The following ANO3 variants were observed in gnomAD, a reference collection of about 807,000 sequenced individuals.
ANO3 encodes the protein anoctamin 3, also known as anoctamin-3.
In ANO3, 99 loss-of-function variants were observed where a neutral mutation model predicts 144.8. The ratio of observed to expected loss-of-function variants is 0.68; its 90% CI spans 0.58 to 0.81. The LOEUF is 0.81. Among genes scored for constraint, ANO3 ranks in the 30% least tolerant of loss-of-function variants. The probability of loss-of-function intolerance (pLI) is 0.00; values close to 1 mark genes in which losing one functional copy is unlikely to be tolerated. For synonymous variants in ANO3, 414 were observed against 392.6 expected, an observed-to-expected ratio of 1.05 and a Z score of -0.64; for missense variants, 905 against 1,202.2, an observed-to-expected ratio of 0.75 and a Z score of 3.66.
intron 1 of ANO3, among the ~76,000 whole-genome samples, chr11:26,192,842 G>T (rs1161386656): frequency 6.6e-6 from 1 of 152,130 alleles, no homozygotes; most frequent in Non-Finnish European, 1.5e-5. Flanking sequence ...ATAGTCCAGT[G>T]AGGGAAATTG....
chr11:26,486,004 C>T (rs1006079680), intron 4 of ANO3, among the ~76,000 whole-genome samples: 5 of 152,056 alleles, frequency 3.3e-5, no homozygotes, highest in African/African-American at 1.2e-4. Flanking sequence ...GAAAAATAAC[C>T]TTGCCTTTTT....
At chr11:26,354,843 T>C (rs1855737429) in intron 1 of ANO3, among the ~76,000 whole-genome samples, 1 of 152,110 alleles carries the variant, frequency 6.6e-6, no homozygotes, top group Non-Finnish European at 1.5e-5. Context: ...AGTCAGGTGG[T>C]ATCCTAAGAT....
intron 1 of ANO3, among the ~76,000 whole-genome samples, chr11:26,377,099 A>G (rs1336329428): frequency 6.6e-6 from 1 of 152,146 alleles, no homozygotes; most frequent in Non-Finnish European, 1.5e-5. Flanking sequence ...TGTGCACTTG[A>G]AAGAAAACAA....
rs1166462594 is a variant in ANO3, at chr11:26,564,684, CAT to C, written c.1447+4913_1447+4914del. ...TTTTAAAAACTCATATATATATACTCATATATATACACACACACACACACACA... is the reference window on the plus strand; with the variant it reads ...TTTTAAAAACTCATATATATATACTCATATATACACACACACACACACACA... On this transcript the variant is annotated intron_variant, in intron 14 of 26. Coordinates refer to ENST00000256737, the MANE Select transcript of ANO3 (RefSeq NM_031418.4). 4.2e-4 allele frequency among the ~76,000 whole-genome samples: 33 copies of C among 79,012 alleles called. No individual in the cohort carries two copies. The South Asian group carries it at 5.1e-3, about 12-fold the overall frequency. 51.8% of individuals were successfully genotyped at this position (79,012 alleles called of 152,430 possible). A position where few individuals can be genotyped will look rare whatever the true frequency, so the allele number is the denominator to read the frequency against.
At position 26,518,882 on chromosome 11, in the gene ANO3, A is replaced by G. The variant is rs879783076; in HGVS notation, c.692+1955A>G. On this transcript the variant is annotated intron_variant, in intron 6 of 26. Transcript: ENST00000256737. ...AAGAGATGAAAAAGGATTGCTTCTG[A>G]TGAGTGGGATTGTGGTTCTCAGTTA... Among the ~76,000 whole-genome samples, 12 of 152,228 alleles carry G rather than the reference A, an allele frequency of 7.9e-5. 1 individual carries two copies. The South Asian group carries it at 1.9e-3, about 24-fold the overall frequency.
At chr11:26,293,345 G>A (rs1470018087) in intron 1 of ANO3, among the ~76,000 whole-genome samples, 1 of 151,152 alleles carries the variant, frequency 6.6e-6, no homozygotes, top group East Asian at 1.9e-4. Context: ...ATATTTTTCT[G>A]AAATTCTTTC....
intron 1 of ANO3, among the ~76,000 whole-genome samples, chr11:26,373,414 G>T (rs1490701114): frequency 6.6e-6 from 1 of 152,116 alleles, no homozygotes; most frequent in East Asian, 1.9e-4. Flanking sequence ...TGAAGAATGT[G>T]CCTGCTTCTG....
At chr11:26,600,154 A>G (rs539545752) in intron 17 of ANO3, among the ~76,000 whole-genome samples, 47 of 152,222 alleles carry the variant, frequency 3.1e-4, no homozygotes, top group South Asian at 8.3e-4. Flanking sequence ...TGTGAAATGA[A>G]AAACAGTAAG....
At chr11:26,451,943 C>T (rs1032318513) in intron 3 of ANO3, among the ~76,000 whole-genome samples, 2 of 152,196 alleles carry the variant, frequency 1.3e-5, no homozygotes, top group African/African-American at 2.4e-5. Context: ...AACCACTGTT[C>T]TGCAGACACC....
intron 1 of ANO3, among the ~76,000 whole-genome samples, chr11:26,227,002 G>A (rs933621937): frequency 6.6e-6 from 1 of 152,076 alleles, no homozygotes; most frequent in African/African-American, 2.4e-5. Context: ...GAATGTGGCT[G>A]TGCTAAGAAA....
intron 1 of ANO3, among the ~76,000 whole-genome samples, chr11:26,239,581 GC>G (rs1852613304): frequency 6.6e-6 from 1 of 152,104 alleles, no homozygotes; most frequent in South Asian, 2.1e-4. Context: ...TACTATAGTA[GC>G]TTTTACTCTT....
At chr11:26,444,076 T>C (rs1490076990) in intron 3 of ANO3, among the ~76,000 whole-genome samples, 1 of 152,164 alleles carries the variant, frequency 6.6e-6, no homozygotes, top group Non-Finnish European at 1.5e-5. Context: ...TTTTTGCCAT[T>C]ATTCTGAAAA....
intron 8 of ANO3, among the ~76,000 whole-genome samples, chr11:26,533,939 G>GAAACAGACC (rs1849437671): frequency 6.6e-6 from 1 of 152,126 alleles, no homozygotes; most frequent in African/African-American, 2.4e-5. Flanking sequence ...AGTAAATACT[G>GAAACAGACC]AAACAGACCC....
chr11:26,431,048 A>G (rs1360219718), intron 1 of ANO3, among the ~76,000 whole-genome samples: 2 of 152,188 alleles, frequency 1.3e-5, no homozygotes, highest in African/African-American at 2.4e-5. Flanking sequence ...GATGTTCAGT[A>G]TGGTTGTCAT....
chr11:26,462,800 C>T (rs1212159690), intron 3 of ANO3, among the ~76,000 whole-genome samples: 2 of 151,730 alleles, frequency 1.3e-5, no homozygotes, highest in African/African-American at 2.4e-5. Flanking sequence ...CTGAAAGTCA[C>T]TATCAGTGTC....
intron 7 of ANO3, among the ~76,000 whole-genome samples, chr11:26,529,809 T>C (rs891292544): frequency 1.3e-5 from 2 of 152,066 alleles, no homozygotes. Context: ...CTATTTTCTT[T>C]GTAAAATAAA....
At chr11:26,564,757 ATAT>A (rs1850489485) in intron 14 of ANO3, among the ~76,000 whole-genome samples, 1 of 82,728 alleles carries the variant, frequency 1.2e-5, no homozygotes, top group Non-Finnish European at 2.5e-5. Context: ...ATATATATAT[ATAT>A]ATATATATAT....
At chr11:26,290,188 T>A (rs145312914) in intron 1 of ANO3, among the ~76,000 whole-genome samples, 12,512 of 152,218 alleles carry the variant, frequency 0.082, 671 homozygotes, top group Non-Finnish European at 0.12. Flanking sequence ...ATTTTCTAGT[T>A]TATTTGCTTA....
At chr11:26,591,759 C>G (rs961978537) in intron 14 of ANO3, among the ~76,000 whole-genome samples, 3 of 152,138 alleles carry the variant, frequency 2.0e-5, no homozygotes, top group Admixed American at 6.5e-5. Flanking sequence ...AGTTACTTTC[C>G]TCATGGTTGT....
Sources: gnomAD v4.1 joint callset for allele counts (sites outside exome capture counted in the v4.1 genomes callset) on GRCh38, gnomAD v4.1.1 for gene constraint, MANE v1.5 for transcripts, NCBI Gene and HGNC (gene_info 2026-07-23, HGNC 2026-07-21) for gene names.